The following ARHGAP42 variants were observed in gnomAD, a reference collection of about 807,000 sequenced individuals.
The protein encoded by ARHGAP42 is rho GTPase-activating protein 42.
ARHGAP42 carries 63 observed loss-of-function variants against 125.0 expected under a neutral mutation model. The observed-to-expected ratio is 0.50, with a 90% CI of 0.41 to 0.62. The LOEUF is 0.62. Among genes scored for constraint, ARHGAP42 ranks in the 20% least tolerant of loss-of-function variants. The probability of loss-of-function intolerance (pLI) is 0.00; values close to 1 mark genes in which losing one functional copy is unlikely to be tolerated. For synonymous variants in ARHGAP42, 339 were observed against 351.0 expected (o/e 0.97, Z 0.38); for missense variants, 766 against 1,024.2 (o/e 0.75, Z 3.44).
chr11:100,906,045 G>A (rs1866726544), intron 4 of ARHGAP42, among the ~76,000 whole-genome samples: 1 of 152,144 alleles, frequency 6.6e-6, no homozygotes, highest in African/African-American at 2.4e-5. Flanking sequence ...CATCTTAGCT[G>A]GTTGCTTTAA....
intron 1 of ARHGAP42, among the ~76,000 whole-genome samples, chr11:100,733,825 G>GAAA (rs551074447): frequency 0.07 from 2,203 of 31,374 alleles, 395 homozygotes; most frequent in East Asian, 0.15. Flanking sequence ...ATTCTGTCTG[G>GAAA]AAAAAAAAAA....
At chr11:100,891,294 C>T (rs1198611206) in intron 4 of ARHGAP42, among the ~76,000 whole-genome samples, 1 of 152,128 alleles carries the variant, frequency 6.6e-6, no homozygotes, top group Non-Finnish European at 1.5e-5. Context: ...CCTCCCTCTT[C>T]GGTTGCTCCT....
At chr11:100,769,009 A>G (rs987098054) in intron 1 of ARHGAP42, among the ~76,000 whole-genome samples, 1 of 152,176 alleles carries the variant, frequency 6.6e-6, no homozygotes, top group African/African-American at 2.4e-5. Context: ...CCTTGTCTGT[A>G]TGGTCAAGTA....
intron 22 of ARHGAP42, among the ~76,000 whole-genome samples, chr11:100,980,559 C>CTTCTTCTTTTTTTTTTTTTTTT (rs1555037006): frequency 3.8e-5 from 2 of 51,962 alleles, no homozygotes; most frequent in African/African-American, 5.7e-5. Context: ...TTTTCTTCTT[C>CTTCTTCTTTTTTTTTTTTTTTT]TTTTTTTTTT....
intron 1 of ARHGAP42, among the ~76,000 whole-genome samples, chr11:100,733,600 G>C (rs1284652412): frequency 1.3e-5 from 2 of 152,024 alleles, no homozygotes; most frequent in Admixed American, 6.5e-5. Flanking sequence ...GAGGCGGGCA[G>C]ATCACCTGAG....
At chr11:100,832,316 C>G (rs1336677019) in intron 3 of ARHGAP42, among the ~76,000 whole-genome samples, 1 of 152,210 alleles carries the variant, frequency 6.6e-6, no homozygotes, top group Non-Finnish European at 1.5e-5. Flanking sequence ...AGCTGATATT[C>G]TAGGCAGCAG....
In ARHGAP42 at chr11:100,989,924, G is replaced by T. The variant is rs1007007362; in HGVS notation, c.*1123G>T. 2.0e-5 allele frequency: 3 copies of T among 152,104 alleles called. No individual in the cohort carries two copies. Among genetic ancestry groups the T allele is most frequent in the African/African-American group, 7.2e-5 (3 of 41,412 alleles). 9.4% of individuals were successfully genotyped at this position (152,104 alleles called of 1,614,324 possible). A position where few individuals can be genotyped will look rare whatever the true frequency, so the allele number is the denominator to read the frequency against. On this transcript the variant is annotated 3_prime_UTR_variant, in exon 24 of 24. Transcript: ENST00000298815. ...TCCTTAAATTATTTTGAACCACAGAGGTTGAAATTGTTTTGTGATCTTCAG... is the reference window on the plus strand; with the variant it reads ...TCCTTAAATTATTTTGAACCACAGATGTTGAAATTGTTTTGTGATCTTCAG...
chr11:100,848,884 G>A (rs890487000), intron 3 of ARHGAP42, among the ~76,000 whole-genome samples: 1 of 152,154 alleles, frequency 6.6e-6, no homozygotes, highest in African/African-American at 2.4e-5. Context: ...GTGGCACATG[G>A]CATAGCCTTT....
At chr11:100,854,928 AC>A (rs1282540821) in intron 3 of ARHGAP42, among the ~76,000 whole-genome samples, 1 of 152,148 alleles carries the variant, frequency 6.6e-6, no homozygotes, top group African/African-American at 2.4e-5. Context: ...TGGGAAAATA[AC>A]CCATTCTTTT....
intron 1 of ARHGAP42, among the ~76,000 whole-genome samples, chr11:100,720,646 A>G (rs1256893280): frequency 6.6e-6 from 1 of 151,376 alleles, no homozygotes; most frequent in Non-Finnish European, 1.5e-5. Flanking sequence ...GAGGATATTT[A>G]ACGTTAATTG....
chr11:100,919,143 A>G (rs920520947), intron 5 of ARHGAP42, among the ~76,000 whole-genome samples: 1 of 152,106 alleles, frequency 6.6e-6, no homozygotes, highest in Non-Finnish European at 1.5e-5. Flanking sequence ...TCCCCCCTGC[A>G]AGGAGCTGTG....
At chr11:100,800,718 GT>G (rs1379543828) in intron 3 of ARHGAP42, among the ~76,000 whole-genome samples, 1 of 152,112 alleles carries the variant, frequency 6.6e-6, no homozygotes, top group African/African-American at 2.4e-5. Context: ...CATACTGTGG[GT>G]TTTGATTGCT....
chr11:100,865,433 T>C (rs1020658859), intron 4 of ARHGAP42, among the ~76,000 whole-genome samples: 15 of 152,142 alleles, frequency 9.9e-5, no homozygotes, highest in Non-Finnish European at 1.5e-5. Context: ...ACAAAATCAA[T>C]GAAAACAAGC....
chr11:100,796,692 T>G (rs1390444891), intron 3 of ARHGAP42, among the ~76,000 whole-genome samples: 1 of 151,906 alleles, frequency 6.6e-6, no homozygotes, highest in African/African-American at 2.4e-5. Flanking sequence ...ATTTTAGTGG[T>G]CTGGATAGAA....
chr11:100,853,483 C>T (rs912822123), intron 3 of ARHGAP42, among the ~76,000 whole-genome samples: 2 of 152,108 alleles, frequency 1.3e-5, no homozygotes, highest in Admixed American at 6.6e-5. Flanking sequence ...AAAGTAGTTT[C>T]AGAACAAGAA....
At chr11:100,801,488 T>C (rs1863850217) in intron 3 of ARHGAP42, among the ~76,000 whole-genome samples, 1 of 152,206 alleles carries the variant, frequency 6.6e-6, no homozygotes, top group Non-Finnish European at 1.5e-5. Flanking sequence ...AAGATGAATA[T>C]GTCATCTTGG....
chr11:100,953,266 A>G (rs1181993577), intron 12 of ARHGAP42, among the ~76,000 whole-genome samples: 1 of 152,120 alleles, frequency 6.6e-6, no homozygotes, highest in African/African-American at 2.4e-5. Context: ...AAGAGTACTC[A>G]TTTATATCCT....
intron 4 of ARHGAP42, among the ~76,000 whole-genome samples, chr11:100,881,486 C>G (rs1813948): frequency 1.3e-5 from 2 of 151,962 alleles, no homozygotes; most frequent in East Asian, 3.9e-4. Context: ...TATGGCCTTA[C>G]AGTATAGTTT....
intron 3 of ARHGAP42, among the ~76,000 whole-genome samples, chr11:100,820,214 T>G (rs967036979): frequency 6.6e-6 from 1 of 152,158 alleles, no homozygotes; most frequent in Non-Finnish European, 1.5e-5. Context: ...CCACTTGTAC[T>G]TCTGTTTGAA....
Sources: allele counts gnomAD v4.1 joint callset (sites outside exome capture counted in the v4.1 genomes callset), GRCh38; gene constraint gnomAD v4.1.1; transcripts MANE v1.5; gene names NCBI Gene and HGNC (gene_info 2026-07-23, HGNC 2026-07-21).